Variants in DPH6 observed in about 807,000 individuals in gnomAD.
The protein encoded by DPH6 is diphthine--ammonia ligase.
DPH6 carries 33 observed loss-of-function variants against 38.2 expected under a neutral mutation model. The observed-to-expected ratio is 0.86, with a 90% CI of 0.65 to 1.15. The LOEUF is 1.15. Among genes scored for constraint, DPH6 ranks in the 50% most tolerant of loss-of-function variants. The pLI, the probability that DPH6 is intolerant of heterozygous loss-of-function variation, is 0.00. For synonymous variants in DPH6, 108 were observed against 103.0 expected, an observed-to-expected ratio of 1.05 and a Z score of -0.30; for missense variants, 325 against 320.0, an observed-to-expected ratio of 1.02 and a Z score of -0.12.
At chr15:35,192,221 C>A in the DPH6 span, among the ~76,000 whole-genome samples, 1 of 152,042 alleles carries the variant, frequency 6.6e-6, no homozygotes, top group African/African-American at 2.4e-5. Context: ...CACTTTAAAT[C>A]CTAGGACTCC....
chr15:35,295,442 C>T (rs1375576678), intron 3 of DPH6, among the ~76,000 whole-genome samples: 1 of 152,186 alleles, frequency 6.6e-6, no homozygotes, highest in African/African-American at 2.4e-5. Flanking sequence ...CGTTCTAGGA[C>T]CTGGAGGTAA....
chr15:35,242,141 G>A (rs1471868606), intron 3 of DPH6, among the ~76,000 whole-genome samples: 1 of 144,566 alleles, frequency 6.9e-6, no homozygotes, highest in Admixed American at 7.4e-5. Flanking sequence ...CCGCCGCAAA[G>A]CTTCACAGAC....
intron 6 of DPH6, among the ~76,000 whole-genome samples, chr15:35,392,146 C>T (rs2053068632): frequency 6.6e-6 from 1 of 152,132 alleles, no homozygotes; most frequent in South Asian, 2.1e-4. Flanking sequence ...CTTGGGGTTT[C>T]AGCATTTTAA....
chr15:35,145,172 CAA>C, the DPH6 span, among the ~76,000 whole-genome samples: 1 of 152,054 alleles, frequency 6.6e-6, no homozygotes, highest in African/African-American at 2.4e-5. Flanking sequence ...AGAAGAAAAC[CAA>C]AGTCATTTAT....
In DPH6 at chr15:35,522,316, G is replaced by C. The variant is rs1422733238; in HGVS notation, c.312+15958C>G. 6 of 1,594,266 alleles carry C rather than the reference G, an allele frequency of 3.8e-6. No individual in the cohort carries two copies. In the South Asian group the frequency reaches 6.8e-5, roughly 18 times the overall value. ...AATTAGGAAAACGTGGCAATCAGAG[G>C]TTTAGGATTGACCAGAAAAAGCCCT... On this transcript the variant is annotated intron_variant, in intron 3 of 8. Coordinates refer to ENST00000256538, the MANE Select transcript of DPH6 (RefSeq NM_080650.4).
At chr15:35,496,567 A>AAATATATATATATATATATAT in intron 3 of DPH6, among the ~76,000 whole-genome samples, 9 of 31,008 alleles carry the variant, frequency 2.9e-4, no homozygotes, top group South Asian at 5.9e-3. Flanking sequence ...AAAAAAAAAA[A>AAATATATATATATATATATAT]ATATATATAT....
chr15:35,540,776 T>C (rs1424534707), intron 2 of DPH6, among the ~76,000 whole-genome samples: 8 of 152,274 alleles, frequency 5.3e-5, no homozygotes, highest in Admixed American at 5.2e-4. Context: ...GAAGATTATA[T>C]ATTAATGGTT....
At chr15:35,460,004 A>G (rs2054043996) in intron 3 of DPH6, among the ~76,000 whole-genome samples, 2 of 152,232 alleles carry the variant, frequency 1.3e-5, no homozygotes, top group African/African-American at 4.8e-5. Flanking sequence ...TAAAACACCA[A>G]GCCTTTAAAT....
chr15:35,380,899 A>G (rs2052855906), intron 7 of DPH6, among the ~76,000 whole-genome samples: 1 of 152,240 alleles, frequency 6.6e-6, no homozygotes, highest in Non-Finnish European at 1.5e-5. Context: ...TGTCAAATAA[A>G]TAATGATTAT....
At chr15:35,177,717 A>T in the DPH6 span, among the ~76,000 whole-genome samples, 3 of 152,008 alleles carry the variant, frequency 2.0e-5, no homozygotes, top group African/African-American at 7.3e-5. Context: ...AGGTGGGCAG[A>T]TCACCTGAGG....
intron 3 of DPH6, among the ~76,000 whole-genome samples, chr15:35,282,185 T>A (rs1456344215): frequency 1.3e-5 from 2 of 152,170 alleles, no homozygotes; most frequent in African/African-American, 4.8e-5. Context: ...TTTTTGTTTT[T>A]AAATGAGCCT....
intron 3 of DPH6, chr15:35,489,918 C>T: frequency 1.0e-6 from 1 of 970,000 alleles, no homozygotes; most frequent in Non-Finnish European, 1.2e-6. Flanking sequence ...ATAATGATTA[C>T]TTTTTAAAAG....
At chr15:35,421,656 G>A (rs2141014229) in intron 5 of DPH6, among the ~76,000 whole-genome samples, 2 of 152,282 alleles carry the variant, frequency 1.3e-5, no homozygotes, top group African/African-American at 4.8e-5. Context: ...ACTGGAAACT[G>A]AAAGAAGCTC....
At chr15:35,398,860 G>A (rs2053181093) in intron 6 of DPH6, among the ~76,000 whole-genome samples, 1 of 152,152 alleles carries the variant, frequency 6.6e-6, no homozygotes, top group African/African-American at 2.4e-5. Context: ...CAGACAGTTG[G>A]TGTCTGCTGA....
intron 3 of DPH6, among the ~76,000 whole-genome samples, chr15:35,249,319 G>A (rs1181945436): frequency 6.6e-6 from 1 of 152,118 alleles, no homozygotes; most frequent in African/African-American, 2.4e-5. Context: ...AAAGGCTTGA[G>A]ATTAGACAAA....
At chr15:35,380,720 CA>C (rs903412134) in intron 7 of DPH6, among the ~76,000 whole-genome samples, 1 of 152,024 alleles carries the variant, frequency 6.6e-6, no homozygotes, top group Admixed American at 6.6e-5. Flanking sequence ...TCATCATGGG[CA>C]AAATAAATAT....
chr15:35,520,956 T>G, intron 3 of DPH6: 4 of 985,186 alleles, frequency 4.1e-6, no homozygotes, highest in Non-Finnish European at 4.8e-6. Flanking sequence ...GAAATCAAAG[T>G]GCAGAACTGT....
intron 3 of DPH6, among the ~76,000 whole-genome samples, chr15:35,325,649 A>G (rs879278545): frequency 2.6e-5 from 4 of 152,142 alleles, no homozygotes; most frequent in Non-Finnish European, 5.9e-5. Context: ...ATATCATAAC[A>G]TTTCTTCATG....
chr15:35,478,917 A>G (rs1174518312), intron 3 of DPH6, among the ~76,000 whole-genome samples: 1 of 152,066 alleles, frequency 6.6e-6, no homozygotes, highest in African/African-American at 2.4e-5. Flanking sequence ...CTTTAACTAC[A>G]GAAGAAGGCT....
Sources: allele counts gnomAD v4.1 joint callset (sites outside exome capture counted in the v4.1 genomes callset), GRCh38; gene constraint gnomAD v4.1.1; transcripts MANE v1.5; gene names NCBI Gene and HGNC (gene_info 2026-07-23, HGNC 2026-07-21).